GALNT17: variants seen among roughly 807,000 people sequenced by gnomAD.
The protein encoded by GALNT17 is UDP-GalNAc:polypeptide N-acetylgalactosaminyltransferase-like 3.
In GALNT17, 29 loss-of-function variants were observed where a neutral mutation model predicts 63.7. The ratio of observed to expected loss-of-function variants is 0.46; its 90% CI spans 0.34 to 0.62. The LOEUF (loss-of-function observed/expected upper bound fraction) is 0.62. Among genes scored for constraint, GALNT17 ranks in the 20% least tolerant of loss-of-function variants. The pLI is 0.01. For missense variants in GALNT17, 603 were observed against 799.6 expected (o/e 0.75, Z 2.97); for synonymous variants, 305 against 318.3 (o/e 0.96, Z 0.45).
intron 1 of GALNT17, among the ~76,000 whole-genome samples, chr7:71,203,588 A>G (rs1171741638): frequency 1.3e-5 from 2 of 152,214 alleles, no homozygotes. Context: ...ACACATGGCT[A>G]TAAAGAAATA....
chr7:71,309,250 G>A (rs1044401486), intron 1 of GALNT17, among the ~76,000 whole-genome samples: 6 of 151,898 alleles, frequency 4.0e-5, no homozygotes, highest in African/African-American at 1.2e-4. Context: ...GGTTCACTGT[G>A]ACTCAGTGAA....
At chr7:71,284,961 CA>C (rs2115777300) in intron 1 of GALNT17, among the ~76,000 whole-genome samples, 1 of 151,992 alleles carries the variant, frequency 6.6e-6, no homozygotes, top group South Asian at 2.1e-4. Context: ...GGGTGGCATC[CA>C]AGGTGTTATG....
intron 5 of GALNT17, among the ~76,000 whole-genome samples, chr7:71,477,321 G>A (rs1270639415): frequency 6.6e-6 from 1 of 152,106 alleles, no homozygotes; most frequent in African/African-American, 2.4e-5. Context: ...GGAGTTCAAG[G>A]CAGTGAGCCA....
At chr7:71,313,999 G>A (rs967434378) in intron 1 of GALNT17, among the ~76,000 whole-genome samples, 2 of 152,120 alleles carry the variant, frequency 1.3e-5, no homozygotes, top group Non-Finnish European at 2.9e-5. Context: ...GGAAAAAAAC[G>A]AACTTCTTCC....
chr7:71,399,139 C>G (rs1336029807), intron 3 of GALNT17, among the ~76,000 whole-genome samples: 1 of 152,144 alleles, frequency 6.6e-6, no homozygotes, highest in Non-Finnish European at 1.5e-5. Context: ...GAGGCTGAGG[C>G]AGCAGAATTA....
At chr7:71,269,262 C>T (rs554758866) in intron 1 of GALNT17, among the ~76,000 whole-genome samples, 1 of 152,118 alleles carries the variant, frequency 6.6e-6, no homozygotes, top group Non-Finnish European at 1.5e-5. Context: ...GCCAGGGGTT[C>T]GAGACCAGCC....
chr7:71,231,453 A>G (rs529479593), intron 1 of GALNT17, among the ~76,000 whole-genome samples: 1 of 152,170 alleles, frequency 6.6e-6, no homozygotes, highest in Non-Finnish European at 1.5e-5. Flanking sequence ...AGAGCTTGCT[A>G]TGGAAGAGAG....
chr7:71,335,128 A>ATATT (rs372106011), intron 1 of GALNT17, among the ~76,000 whole-genome samples: 328 of 151,846 alleles, frequency 2.2e-3, no homozygotes, highest in African/African-American at 7.3e-3. Context: ...GGATTCTTTT[A>ATATT]TATTTATTTA....
chr7:71,615,767 C>T (rs796911979), intron 6 of GALNT17, among the ~76,000 whole-genome samples: 48 of 152,190 alleles, frequency 3.2e-4, no homozygotes, highest in African/African-American at 1.1e-3. Context: ...CGTGAGCCAC[C>T]GCGCCCGGCC....
chr7:71,504,766 A>C (rs1226306141), intron 5 of GALNT17, among the ~76,000 whole-genome samples: 5 of 152,134 alleles, frequency 3.3e-5, no homozygotes, highest in African/African-American at 1.2e-4. Context: ...CCTGGCATGG[A>C]TTCAGGGCAG....
At chr7:71,528,022 A>G (rs185419588) in intron 5 of GALNT17, among the ~76,000 whole-genome samples, 200 of 152,348 alleles carry the variant, frequency 1.3e-3, no homozygotes, top group African/African-American at 4.7e-3. Flanking sequence ...GGTCTTGGCA[A>G]GCAAGCTACA....
chr7:71,159,480 T>C (rs1762327401), intron 1 of GALNT17, among the ~76,000 whole-genome samples: 1 of 151,368 alleles, frequency 6.6e-6, no homozygotes, highest in East Asian at 1.9e-4. Flanking sequence ...ACTTGGTTTT[T>C]ACTGAAACAT....
At chr7:71,472,705 C>CTAAAA (rs1337545158) in intron 5 of GALNT17, among the ~76,000 whole-genome samples, 3 of 152,064 alleles carry the variant, frequency 2.0e-5, no homozygotes, top group Non-Finnish European at 2.9e-5. Flanking sequence ...CTAAACTAAA[C>CTAAAA]TAAACTAAAA....
At chr7:71,163,211 A>AC in intron 1 of GALNT17, among the ~76,000 whole-genome samples, 1 of 152,350 alleles carries the variant, frequency 6.6e-6, no homozygotes, top group South Asian at 2.1e-4. Flanking sequence ...GAGACAGGGA[A>AC]GACTTGCAGG....
At chr7:71,206,431 G>A (rs1038571385) in intron 1 of GALNT17, among the ~76,000 whole-genome samples, 1 of 152,010 alleles carries the variant, frequency 6.6e-6, no homozygotes, top group Non-Finnish European at 1.5e-5. Flanking sequence ...AAGCAGCAGT[G>A]CTCAGAGCTC....
At chr7:71,553,806 A>T (rs1789119716) in intron 5 of GALNT17, among the ~76,000 whole-genome samples, 1 of 152,192 alleles carries the variant, frequency 6.6e-6, no homozygotes, top group Admixed American at 6.5e-5. Context: ...CTTTCAGGAC[A>T]ATTGCTCCAT....
At chr7:71,357,242 G>A (rs1583885843) in intron 2 of GALNT17, among the ~76,000 whole-genome samples, 1 of 152,328 alleles carries the variant, frequency 6.6e-6, no homozygotes, top group East Asian at 1.9e-4. Context: ...GAAGTGAGTG[G>A]CAGGCAAGTG....
intron 8 of GALNT17, among the ~76,000 whole-genome samples, chr7:71,671,325 T>G (rs1584126164): frequency 6.6e-6 from 1 of 152,314 alleles, no homozygotes; most frequent in Middle Eastern, 3.4e-3. Flanking sequence ...TCGGGTTTTC[T>G]TTCCTGGGAC....
intron 5 of GALNT17, among the ~76,000 whole-genome samples, chr7:71,429,670 G>A (rs1306582559): frequency 1.3e-5 from 2 of 152,046 alleles, no homozygotes; most frequent in East Asian, 1.9e-4. Context: ...AGCCTCCAGC[G>A]GAGCTGGGAC....
Sources: allele counts gnomAD v4.1 joint callset (sites outside exome capture counted in the v4.1 genomes callset), GRCh38; gene constraint gnomAD v4.1.1; transcripts MANE v1.5; gene names NCBI Gene and HGNC (gene_info 2026-07-23, HGNC 2026-07-21).